ATG10: variants seen among roughly 807,000 people sequenced by gnomAD.
The protein encoded by ATG10 is autophagy related 10.
A neutral mutation model predicts 32.1 loss-of-function variants in ATG10; 30 were observed. That is an observed-to-expected ratio of 0.94 (90% CI 0.70 to 1.27). The LOEUF is 1.27. Among genes scored for constraint, ATG10 ranks in the 50% most tolerant of loss-of-function variants. ATG10 has a pLI of 0.00. For synonymous variants in ATG10, 87 were observed against 91.5 expected (o/e 0.95, Z 0.28); for missense variants, 233 against 262.3 (o/e 0.89, Z 0.77).
At chr5:82,187,143 T>TA (rs943042143) in intron 5 of ATG10, among the ~76,000 whole-genome samples, 63 of 149,200 alleles carry the variant, frequency 4.2e-4, no homozygotes, top group African/African-American at 1.3e-3. Flanking sequence ...CCCCATCTCT[T>TA]AAAAAAAAAT....
intron 2 of ATG10, among the ~76,000 whole-genome samples, chr5:82,050,306 T>C (rs1299287079): frequency 6.6e-6 from 1 of 152,100 alleles, no homozygotes; most frequent in East Asian, 1.9e-4. Context: ...CTTTAAGTAA[T>C]ATATTTCTCC....
At chr5:82,165,141 A>AT (rs1416086618) in intron 4 of ATG10, among the ~76,000 whole-genome samples, 2 of 152,212 alleles carry the variant, frequency 1.3e-5, no homozygotes, top group African/African-American at 4.8e-5. Context: ...CAGCAGCCAC[A>AT]TGGCGTCCTC....
chr5:82,105,537 T>C (rs1408733025), intron 3 of ATG10, among the ~76,000 whole-genome samples: 2 of 152,182 alleles, frequency 1.3e-5, no homozygotes, highest in Admixed American at 6.6e-5. Context: ...AGAGGACATA[T>C]TCATGAATTG....
chr5:82,139,600 G>A (rs564356439), intron 3 of ATG10, among the ~76,000 whole-genome samples: 18 of 146,016 alleles, frequency 1.2e-4, no homozygotes, highest in African/African-American at 4.1e-4. Context: ...GAGCCTCTCC[G>A]CCCGGCAGCC....
chr5:82,130,877 T>G (rs114342125), intron 3 of ATG10, among the ~76,000 whole-genome samples: 280 of 152,252 alleles, frequency 1.8e-3, no homozygotes, highest in African/African-American at 6.4e-3. Context: ...TAGGAAAAGT[T>G]GTAAAAGTAG....
intron 3 of ATG10, among the ~76,000 whole-genome samples, chr5:82,093,904 C>T (rs1228333947): frequency 6.6e-6 from 1 of 152,144 alleles, no homozygotes; most frequent in Non-Finnish European, 1.5e-5. Flanking sequence ...GGACTTTGCT[C>T]AGTGCCCCAT....
intron 3 of ATG10, among the ~76,000 whole-genome samples, chr5:82,058,878 GT>G (rs1581645641): frequency 6.6e-6 from 1 of 152,148 alleles, no homozygotes; most frequent in East Asian, 1.9e-4. Flanking sequence ...AAGAATTGTG[GT>G]AAAGTTATAT....
intron 4 of ATG10, among the ~76,000 whole-genome samples, chr5:82,166,613 C>T (rs1299012761): frequency 1.3e-5 from 2 of 151,512 alleles, no homozygotes; most frequent in Non-Finnish European, 2.9e-5. Context: ...TCATTTATTC[C>T]CCCCCCAGTC....
intron 5 of ATG10, among the ~76,000 whole-genome samples, chr5:82,214,877 C>G (rs139514936): frequency 5.3e-5 from 8 of 152,312 alleles, no homozygotes; most frequent in African/African-American, 1.9e-4. Flanking sequence ...GTGTTTCATT[C>G]TCCACTGTAT....
At chr5:82,175,295 G>T (rs1273990976) in intron 4 of ATG10, among the ~76,000 whole-genome samples, 1 of 152,136 alleles carries the variant, frequency 6.6e-6, no homozygotes, top group African/African-American at 2.4e-5. Context: ...CTGGCCTCTT[G>T]TCTCTGCCCT....
At chr5:81,983,591 C>T (rs1294791739) in intron 1 of ATG10, among the ~76,000 whole-genome samples, 1 of 144,886 alleles carries the variant, frequency 6.9e-6, no homozygotes, top group Non-Finnish European at 1.5e-5. Flanking sequence ...GGCGGCCGGG[C>T]AGAGGCGCCC....
chr5:82,200,772 C>A (rs964341898), intron 5 of ATG10, among the ~76,000 whole-genome samples: 1 of 151,312 alleles, frequency 6.6e-6, no homozygotes, highest in African/African-American at 2.4e-5. Flanking sequence ...TAAATACTTT[C>A]TCCCAGTGTA....
Position 82,037,516 on chromosome 5 carries a change from G to T in ATG10, c.109-20979G>T, listed in dbSNP as rs1042890070. 3.3e-5 allele frequency among the ~76,000 whole-genome samples: 5 copies of T among 151,288 alleles called. 1 individual carries two copies. The highest frequency in any genetic ancestry group is 4.2e-4 in the South Asian group (2 of 4,806). Reference sequence around the variant, plus strand: ...CCCGCCTCGGCCTCCCAAAGTGCTGGGATTACAGGCGTGAGCCACCGCGCC... The same window carrying T: ...CCCGCCTCGGCCTCCCAAAGTGCTGTGATTACAGGCGTGAGCCACCGCGCC... On this transcript the variant is annotated intron_variant, in intron 2 of 7. Transcript: ENST00000282185.
At position 82,178,575 on chromosome 5, in the gene ATG10, T is replaced by C. The variant is rs752189274; in HGVS notation, c.441T>C (p.Thr147=). 3.9e-5 allele frequency: 63 copies of C among 1,605,996 alleles called. No individual in the cohort carries two copies. The highest frequency in any genetic ancestry group is 8.5e-6 in the Non-Finnish European group (10 of 1,173,008). ...GACTGCTACAGGGACCATGGGACACTATTACGCAACAGGTTGGAGAGTATT... is the reference window on the plus strand; with the variant it reads ...GACTGCTACAGGGACCATGGGACACCATTACGCAACAGGTTGGAGAGTATT... ...KMRLLQGPWD[T]ITQQEHPILG... The change falls in exon 5 of 8, where the codon ACT becomes ACC. Residue 147 remains threonine, a synonymous_variant. Coordinates refer to ENST00000282185, the MANE Select transcript of ATG10 (RefSeq NM_031482.5).
chr5:82,087,388 T>C (rs1372857210), intron 3 of ATG10, among the ~76,000 whole-genome samples: 1 of 152,110 alleles, frequency 6.6e-6, no homozygotes, highest in Non-Finnish European at 1.5e-5. Context: ...CTTAGGGGAA[T>C]TATTATTAAT....
intron 2 of ATG10, among the ~76,000 whole-genome samples, chr5:82,010,249 A>G (rs1457351177): frequency 2.0e-5 from 3 of 152,190 alleles, no homozygotes; most frequent in Non-Finnish European, 4.4e-5. Context: ...CAATTATTTC[A>G]CTTCCTTAAT....
chr5:82,241,258 AC>A (rs1462941599), intron 5 of ATG10, among the ~76,000 whole-genome samples: 15 of 152,342 alleles, frequency 9.8e-5, no homozygotes, highest in Middle Eastern at 3.4e-3. Flanking sequence ...GTTCTTCCGC[AC>A]ACTACTGTTG....
At chr5:82,229,393 A>T (rs189284259) in intron 5 of ATG10, among the ~76,000 whole-genome samples, 1 of 152,350 alleles carries the variant, frequency 6.6e-6, no homozygotes, top group East Asian at 1.9e-4. Flanking sequence ...GTTTACTGCT[A>T]ATTATATGAG....
intron 3 of ATG10, among the ~76,000 whole-genome samples, chr5:82,059,813 T>C (rs888629571): frequency 2.6e-5 from 4 of 152,176 alleles, no homozygotes; most frequent in South Asian, 4.1e-4. Flanking sequence ...CTTGAGAGTA[T>C]TGTGCTTGGT....
Sources: gnomAD v4.1 joint callset for allele counts (sites outside exome capture counted in the v4.1 genomes callset) on GRCh38, gnomAD v4.1.1 for gene constraint, MANE v1.5 for transcripts, NCBI Gene and HGNC (gene_info 2026-07-23, HGNC 2026-07-21) for gene names.